CNGB1: variants seen among roughly 807,000 people sequenced by gnomAD.
CNGB1 encodes the protein cyclic nucleotide-gated channel beta-1.
In CNGB1, 126 loss-of-function variants were observed where a neutral mutation model predicts 151.7. That is an observed-to-expected ratio of 0.83 (90% CI 0.72 to 0.96). The LOEUF is 0.96. Ranked by LOEUF, CNGB1 falls within the 40% of genes least tolerant of loss-of-function variation. The pLI is 0.00. For missense variants in CNGB1, 1,698 were observed against 1,627.0 expected, an observed-to-expected ratio of 1.04 and a Z score of -0.75; for synonymous variants, 623 against 635.1, an observed-to-expected ratio of 0.98 and a Z score of 0.29.
chr16:57,968,863 T>C lies in CNGB1; in HGVS notation c.-8-1569A>G, dbSNP rs568123646. Among the ~76,000 whole-genome samples the C allele has an allele frequency of 5.9e-5, 8 of 136,568 alleles. No individual in the cohort carries two copies. In the South Asian group the frequency reaches 1.2e-3, roughly 20 times the overall value. 89.6% of individuals were successfully genotyped at this position (136,568 alleles called of 152,430 possible). On this transcript the variant is annotated intron_variant, in intron 1 of 32. Transcript: ENST00000251102. ...GCAACATATCAAGACCCTGTCTCTATTTAAAAAAAAAAAAAAAAAAAGCCT... is the reference window on the plus strand; with the variant it reads ...GCAACATATCAAGACCCTGTCTCTACTTAAAAAAAAAAAAAAAAAAAGCCT...
At chr16:57,904,011 A>G (rs894799151) in intron 26 of CNGB1, 30 bp from the exon 27 acceptor site, 2 of 1,608,240 alleles carry the variant, frequency 1.2e-6, no homozygotes, top group Non-Finnish European at 1.7e-6. Flanking sequence ...AGGTCAAGGA[A>G]GCCACTGGGT....
At chr16:57,934,051 A>G (rs764028393) in intron 16 of CNGB1, among the ~76,000 whole-genome samples, 8 of 152,046 alleles carry the variant, frequency 5.3e-5, no homozygotes, top group Non-Finnish European at 1.2e-4. Flanking sequence ...AATGGCCTTT[A>G]TAAGAAAAGC....
intron 9 of CNGB1, 80 bp downstream of exon 9, chr16:57,960,402 A>T: frequency 6.5e-7 from 1 of 1,536,480 alleles, no homozygotes. Flanking sequence ...CCTCTGGGGG[A>T]TCCTCCAGGG....
rs527404274 is a variant in CNGB1 at position 57,964,508 on chromosome 16, C to T, written c.196G>A (p.Val66Met). 1.2e-6 allele frequency: 2 copies of T among 1,614,200 alleles called. No individual in the cohort carries two copies. The highest frequency in any genetic ancestry group is 2.2e-5 in the South Asian group (2 of 91,092). ...EESFKEEEVA[V>M]ADPSPQETKE... ...TCACCCTGAGGGCTTGGGTCTGCCACAGCCACTTCCTCCTCCTTGAATGAC... is the reference window on the plus strand; with the variant it reads ...TCACCCTGAGGGCTTGGGTCTGCCATAGCCACTTCCTCCTCCTTGAATGAC... Residue 66 changes from valine (V) to methionine (M), a missense_variant, in exon 3 of 33, where the codon GTG becomes ATG. Transcript: ENST00000251102.
intron 1 of CNGB1, among the ~76,000 whole-genome samples, chr16:57,970,232 G>C (rs1262980787): frequency 1.3e-5 from 2 of 152,180 alleles, no homozygotes; most frequent in Admixed American, 6.5e-5. Context: ...TGTTTTCCCA[G>C]GTCGGGACTG....
At chr16:57,909,067 G>A (rs1038669002) in intron 25 of CNGB1, among the ~76,000 whole-genome samples, 12 of 152,130 alleles carry the variant, frequency 7.9e-5, no homozygotes, top group African/African-American at 1.7e-4. Context: ...TCAGGAAGCC[G>A]AGACCAGCCT....
intron 16 of CNGB1, 113 bp from the exon 17 acceptor site, chr16:57,931,991 T>C: frequency 8.8e-7 from 1 of 1,138,508 alleles, no homozygotes; most frequent in Non-Finnish European, 1.3e-6. Context: ...GGGACTCTGA[T>C]AGCTTCACTT....
At chr16:57,900,324 T>G (rs1960351720) in intron 29 of CNGB1, among the ~76,000 whole-genome samples, 1 of 152,242 alleles carries the variant, frequency 6.6e-6, no homozygotes, top group Non-Finnish European at 1.5e-5. Flanking sequence ...TCCAGAAATT[T>G]CACTGCTGCA....
intron 14 of CNGB1, among the ~76,000 whole-genome samples, chr16:57,944,712 C>T (rs917037142): frequency 6.6e-6 from 1 of 151,574 alleles, no homozygotes; most frequent in Non-Finnish European, 1.5e-5. Flanking sequence ...CCCAGCACTT[C>T]GGGAGGTCGA....
Position 57,923,260 on chromosome 16 carries a change from AG to A in CNGB1, c.1643+12del, listed in dbSNP as rs772727129. On this transcript the variant is annotated intron_variant, in intron 18 of 32. Transcript: ENST00000251102. ...CAGTCTTTCAATTTTCTGAGACCCC[AG>A]AGGGGTCTCACTCAGTGTCCTTCGG... 1.4e-6 allele frequency: 2 copies of A among 1,411,472 alleles called. No homozygotes were observed. Among genetic ancestry groups the A allele is most frequent in the South Asian group, 1.4e-5 (1 of 71,022 alleles). 87.4% of individuals were successfully genotyped at this position (1,411,472 alleles called of 1,614,324 possible).
intron 12 of CNGB1, among the ~76,000 whole-genome samples, chr16:57,956,347 G>A (rs1962084355): frequency 6.6e-6 from 1 of 152,274 alleles, no homozygotes; most frequent in South Asian, 2.1e-4. Flanking sequence ...GACTGCTTAT[G>A]CCCTGCTCTG....
intron 17 of CNGB1, among the ~76,000 whole-genome samples, chr16:57,925,016 C>T (rs1297640721): frequency 6.6e-6 from 1 of 152,000 alleles, no homozygotes; most frequent in Non-Finnish European, 1.5e-5. Context: ...TTTATTTATT[C>T]ATTTGAGATG....
In CNGB1 at chr16:57,953,735, C is replaced by A. The variant is rs534862448; in HGVS notation, c.875-3195G>T. 5.3e-4 allele frequency among the ~76,000 whole-genome samples: 80 copies of A among 152,200 alleles called. 1 individual carries two copies. The highest frequency in any genetic ancestry group is 1.8e-3 in the African/African-American group (74 of 41,528). On this transcript the variant is annotated intron_variant, in intron 12 of 32. Coordinates refer to ENST00000251102, the MANE Select transcript of CNGB1 (RefSeq NM_001297.5). ...AGGCTCACATCTCCTCCTACCTGGC[C>A]CCAAAGCACTAACCTCTCACTGGAT...
chr16:57,966,885 C>T (rs1962412777), intron 2 of CNGB1, among the ~76,000 whole-genome samples: 1 of 152,252 alleles, frequency 6.6e-6, no homozygotes, highest in South Asian at 2.1e-4. Context: ...GATAGCATCA[C>T]TCACAAAGCC....
chr16:57,894,353 A>C (rs145775455), intron 31 of CNGB1, among the ~76,000 whole-genome samples: 2 of 152,268 alleles, frequency 1.3e-5, no homozygotes, highest in African/African-American at 4.8e-5. Context: ...GTAATCCCAG[A>C]ATTTTGGGAG....
At chr16:57,934,956 CAA>C (rs35264442) in intron 16 of CNGB1, among the ~76,000 whole-genome samples, 14 of 77,816 alleles carry the variant, frequency 1.8e-4, no homozygotes, top group Admixed American at 3.4e-4. Context: ...GATTCTGTCT[CAA>C]AAAAAAAAAA....
intron 31 of CNGB1, among the ~76,000 whole-genome samples, chr16:57,894,065 T>G (rs1960162157): frequency 6.6e-6 from 1 of 152,136 alleles, no homozygotes; most frequent in African/African-American, 2.4e-5. Context: ...AATGACCTGT[T>G]CCCCAACAAT....
chr16:57,913,822 T>A (rs1960794726), intron 23 of CNGB1, among the ~76,000 whole-genome samples: 1 of 152,164 alleles, frequency 6.6e-6, no homozygotes, highest in Non-Finnish European at 1.5e-5. Context: ...CTTATTTACA[T>A]ATGAAGTATG....
intron 17 of CNGB1, among the ~76,000 whole-genome samples, chr16:57,929,362 C>T (rs1961278147): frequency 6.6e-6 from 1 of 150,842 alleles, no homozygotes; most frequent in Admixed American, 6.6e-5. Context: ...TTCCGCGTGG[C>T]TGGGGAAGCC....
Sources: gnomAD v4.1 joint callset for allele counts (sites outside exome capture counted in the v4.1 genomes callset) on GRCh38, gnomAD v4.1.1 for gene constraint, MANE v1.5 for transcripts, NCBI Gene and HGNC (gene_info 2026-07-23, HGNC 2026-07-21) for gene names.